CLASP2: variants seen among roughly 807,000 people sequenced by gnomAD.
CLASP2 encodes cytoplasmic linker associated protein 2, also known as CLIP-associating protein 2.
Under a neutral mutation model 194.4 loss-of-function variants are expected in CLASP2, and 47 were observed. The observed-to-expected ratio is 0.24, with a 90% CI of 0.19 to 0.31. CLASP2 has a LOEUF of 0.31. Among genes scored for constraint, CLASP2 ranks in the 10% least tolerant of loss-of-function variants. CLASP2 has a pLI of 1.00. For synonymous variants in CLASP2, 619 were observed against 633.5 expected, an observed-to-expected ratio of 0.98 and a Z score of 0.34; for missense variants, 1,445 against 1,823.6, an observed-to-expected ratio of 0.79 and a Z score of 3.78.
chr3:33,526,260 G>A (rs934932375), intron 34 of CLASP2, among the ~76,000 whole-genome samples: 1 of 151,846 alleles, frequency 6.6e-6, no homozygotes, highest in Non-Finnish European at 1.5e-5. Context: ...ATAATACACA[G>A]AGACTCAAAA....
intron 6 of CLASP2, among the ~76,000 whole-genome samples, chr3:33,667,674 AG>A (rs920418283): frequency 6.6e-6 from 1 of 152,056 alleles, no homozygotes; most frequent in African/African-American, 2.4e-5. Flanking sequence ...GTGTGGAGTG[AG>A]GAAGAGTTGC....
chr3:33,642,194 G>T (rs1053121221), intron 8 of CLASP2, among the ~76,000 whole-genome samples: 3 of 151,810 alleles, frequency 2.0e-5, no homozygotes, highest in African/African-American at 7.2e-5. Flanking sequence ...TCGATCCAGC[G>T]AACTTTAGAA....
At chr3:33,530,006 A>AAT (rs1559881318) in intron 34 of CLASP2, among the ~76,000 whole-genome samples, 2,489 of 150,726 alleles carry the variant, frequency 0.017, 94 homozygotes, top group African/African-American at 0.058. Context: ...AAAAAAAAAA[A>AAT]AAAAAGATCT....
At chr3:33,510,470 C>T in intron 37 of CLASP2, 88 bp downstream of exon 37, 6 of 1,205,312 alleles carry the variant, frequency 5.0e-6, no homozygotes, top group Non-Finnish European at 6.0e-6. Flanking sequence ...AAGGCTTGAT[C>T]ATGCCAGTAA....
At chr3:33,542,218 A>G (rs893524079) in intron 32 of CLASP2, among the ~76,000 whole-genome samples, 2 of 151,932 alleles carry the variant, frequency 1.3e-5, no homozygotes, top group African/African-American at 4.8e-5. Flanking sequence ...GTGTGTGAAA[A>G]TTGTACACAT....
intron 10 of CLASP2, among the ~76,000 whole-genome samples, chr3:33,623,859 T>C (rs957219725): frequency 6.6e-6 from 1 of 152,140 alleles, no homozygotes; most frequent in African/African-American, 2.4e-5. Flanking sequence ...GAAACTTCCA[T>C]ACTGTTCTCC....
chr3:33,644,534 C>T (rs1263914605), intron 8 of CLASP2: 1 of 524,450 alleles, frequency 1.9e-6, no homozygotes, highest in Non-Finnish European at 3.4e-6. Context: ...AATAAATACC[C>T]TCAAGAAGAG....
intron 26 of CLASP2, among the ~76,000 whole-genome samples, chr3:33,570,248 T>C (rs911244369): frequency 5.9e-5 from 9 of 152,196 alleles, no homozygotes; most frequent in African/African-American, 1.9e-4. Context: ...ATGTAAGAAA[T>C]GTCTCTTATA....
chr3:33,514,215 T>C (rs1400448161), intron 36 of CLASP2, among the ~76,000 whole-genome samples: 1 of 152,188 alleles, frequency 6.6e-6, no homozygotes, highest in African/African-American at 2.4e-5. Context: ...CTCGAACTCC[T>C]GACCTCAAGT....
intron 5 of CLASP2, 59 bp downstream of exon 5, chr3:33,687,001 C>G: frequency 1.1e-6 from 1 of 929,904 alleles, no homozygotes; most frequent in Non-Finnish European, 1.6e-6. Context: ...AATAAGAGGA[C>G]TAGAAAAGAA....
At chr3:33,586,331 C>T (rs1337336494) in intron 21 of CLASP2, among the ~76,000 whole-genome samples, 1 of 152,110 alleles carries the variant, frequency 6.6e-6, no homozygotes, top group Non-Finnish European at 1.5e-5. Flanking sequence ...GACAGGATTT[C>T]ACCATGTCGG....
chr3:33,602,932 T>C lies in CLASP2; in HGVS notation c.1924+20A>G, dbSNP rs2072689439. 1 of 1,599,520 alleles carries C rather than the reference T, an allele frequency of 6.3e-7. No individual in the cohort carries two copies. Among genetic ancestry groups the C allele is most frequent in the African/African-American group, 1.3e-5 (1 of 74,822 alleles). ...TCAGGGAGAGAACATGGTACAATTT[T>C]CCATAATCAGTTCTCTTACCTAGTG... is the stretch of plus-strand genomic sequence containing the variant. On this transcript the variant is annotated intron_variant, in intron 18 of 38. Transcript: ENST00000682230.
At chr3:33,642,679 T>C (rs1290853500) in intron 8 of CLASP2, among the ~76,000 whole-genome samples, 2 of 151,864 alleles carry the variant, frequency 1.3e-5, no homozygotes, top group Admixed American at 6.6e-5. Flanking sequence ...CTACAACCAA[T>C]TTAAAAATCA....
At chr3:33,677,164 C>G (rs1484539305) in intron 6 of CLASP2, among the ~76,000 whole-genome samples, 6 of 151,870 alleles carry the variant, frequency 4.0e-5, no homozygotes, top group South Asian at 2.1e-4. Context: ...CAGGGATCTA[C>G]AACTAGAAAT....
intron 29 of CLASP2, among the ~76,000 whole-genome samples, chr3:33,557,737 C>A (rs62252125): frequency 6.6e-6 from 1 of 152,186 alleles, no homozygotes; most frequent in South Asian, 2.1e-4. Context: ...GTAAATTATT[C>A]TTCTGCAGGT....
chr3:33,641,889 T>A (rs2081370343), intron 8 of CLASP2, among the ~76,000 whole-genome samples: 1 of 151,954 alleles, frequency 6.6e-6, no homozygotes, highest in African/African-American at 2.4e-5. Flanking sequence ...TCTATCTATT[T>A]ATTATATACC....
intron 34 of CLASP2, among the ~76,000 whole-genome samples, chr3:33,532,848 C>A (rs1229048169): frequency 6.6e-6 from 1 of 152,122 alleles, no homozygotes; most frequent in Non-Finnish European, 1.5e-5. Flanking sequence ...GGACTACTGG[C>A]ACTGGCTAAT....
intron 24 of CLASP2, chr3:33,574,505 A>G: frequency 6.7e-7 from 1 of 1,502,728 alleles, no homozygotes; most frequent in Non-Finnish European, 8.9e-7. Context: ...AGCTGAGAGC[A>G]GTAAATTTTT....
chr3:33,583,306 C>T (rs184651759), intron 22 of CLASP2, among the ~76,000 whole-genome samples: 5 of 152,246 alleles, frequency 3.3e-5, no homozygotes, highest in East Asian at 1.9e-4. Context: ...CAAATGAAAA[C>T]GTGGCATAAT....
Sources: gnomAD v4.1 joint callset for allele counts (sites outside exome capture counted in the v4.1 genomes callset) on GRCh38, gnomAD v4.1.1 for gene constraint, MANE v1.5 for transcripts, NCBI Gene and HGNC (gene_info 2026-07-23, HGNC 2026-07-21) for gene names.